The following GRIK3 variants were observed in gnomAD, a reference collection of about 807,000 sequenced individuals.
The protein encoded by GRIK3 is glutamate receptor ionotropic, kainate 3.
In GRIK3, 29 loss-of-function variants were observed where a neutral mutation model predicts 102.5. The observed-to-expected ratio is 0.28, with a 90% CI of 0.21 to 0.39. The LOEUF (loss-of-function observed/expected upper bound fraction) is 0.39. GRIK3 is among the 10% of genes least tolerant of loss of function. The pLI, the probability that GRIK3 is intolerant of heterozygous loss-of-function variation, is 1.00. For missense variants in GRIK3, 908 were observed against 1,252.4 expected (o/e 0.73, Z 4.15); for synonymous variants, 511 against 504.9 (o/e 1.01, Z -0.16).
chr1:36,809,885 G>A (rs1031204525), intron 13 of GRIK3, among the ~76,000 whole-genome samples: 13 of 152,220 alleles, frequency 8.5e-5, no homozygotes, highest in Admixed American at 2.0e-4. Context: ...TGGCTGTGAC[G>A]TTAATTTTAA....
chr1:36,993,413 C>T (rs1310680041), intron 1 of GRIK3, among the ~76,000 whole-genome samples: 2 of 152,144 alleles, frequency 1.3e-5, no homozygotes, highest in African/African-American at 4.8e-5. Flanking sequence ...CAGGCACACG[C>T]CACCCCACCC....
chr1:37,018,506 T>C (rs1230758423), intron 1 of GRIK3, among the ~76,000 whole-genome samples: 1 of 152,238 alleles, frequency 6.6e-6, no homozygotes, highest in Non-Finnish European at 1.5e-5. Context: ...GCACTCTTTC[T>C]GGTCCTTTGT....
intron 1 of GRIK3, among the ~76,000 whole-genome samples, chr1:37,011,926 G>A (rs1415701684): frequency 6.6e-6 from 1 of 152,126 alleles, no homozygotes; most frequent in African/African-American, 2.4e-5. Context: ...AACCTTTTTG[G>A]GGGGACGTGG....
chr1:37,033,209 GAGCCCCGGAAAGCCGCGCGC>G (rs962166400), intron 1 of GRIK3, among the ~76,000 whole-genome samples: 3 of 152,254 alleles, frequency 2.0e-5, no homozygotes, highest in Non-Finnish European at 2.9e-5. Context: ...GGAGAAGCCG[GAGCCCCGGAAAGCCGCGCGC>G]AGCCCCGCCA....
intron 1 of GRIK3, among the ~76,000 whole-genome samples, chr1:36,963,352 G>C (rs963648134): frequency 1.3e-5 from 2 of 152,218 alleles, no homozygotes; most frequent in East Asian, 3.9e-4. Flanking sequence ...CAGGACACTC[G>C]AGACGCCAGG....
intron 2 of GRIK3, among the ~76,000 whole-genome samples, chr1:36,887,464 T>C (rs1641050343): frequency 6.6e-6 from 1 of 152,038 alleles, no homozygotes; most frequent in South Asian, 2.1e-4. Flanking sequence ...AATATATAAA[T>C]CAAGAATATA....
intron 1 of GRIK3, among the ~76,000 whole-genome samples, chr1:36,918,483 C>T (rs1037933793): frequency 3.9e-5 from 6 of 152,188 alleles, no homozygotes; most frequent in Non-Finnish European, 7.3e-5. Context: ...GATCCCTTCT[C>T]GTGCATCAGG....
rs1275517580 is a variant in GRIK3 at position 36,983,396 on chromosome 1, TG to T, written c.115+50597del. ...CACGGCACAACGGCACACTCCCACA[TG>T]CATGCATACCCCTTCTGGCACCGGG... is the stretch of plus-strand genomic sequence containing the variant. On this transcript the variant is annotated intron_variant, in intron 1 of 15. Coordinates refer to ENST00000373091, the MANE Select transcript of GRIK3 (RefSeq NM_000831.4). 2.0e-5 allele frequency among the ~76,000 whole-genome samples: 3 copies of T among 152,066 alleles called. No homozygotes were observed. In the East Asian group the frequency reaches 5.8e-4, roughly 29 times the overall value.
At chr1:36,948,173 T>C (rs533046045) in intron 1 of GRIK3, among the ~76,000 whole-genome samples, 49 of 152,354 alleles carry the variant, frequency 3.2e-4, no homozygotes, top group African/African-American at 1.1e-3. Flanking sequence ...TCAGTACATA[T>C]TTCTTGAGCA....
intron 1 of GRIK3, among the ~76,000 whole-genome samples, chr1:37,003,893 T>C (rs1642505119): frequency 1.3e-5 from 2 of 151,876 alleles, no homozygotes; most frequent in African/African-American, 4.8e-5. Flanking sequence ...GCTCCCACAC[T>C]CTTCTGCTGG....
Position 36,891,010 on chromosome 1 carries a change from T to C in GRIK3, c.202A>G (p.Asn68Asp), listed in dbSNP as rs1234215851. The C allele has an allele frequency of 6.2e-7, 1 of 1,614,020 alleles. No individual in the cohort carries two copies. The highest frequency in any genetic ancestry group is 8.5e-7 in the Non-Finnish European group (1 of 1,179,908). The change falls in exon 2 of 16, where the codon AAC becomes GAC. Residue 68 changes from asparagine (N) to aspartate (D), a missense_variant. Asn to Asp is a conservative substitution (Grantham distance 23, BLOSUM62 1). Transcript: ENST00000373091. ...HAFRFSANIINRNRTLLPNTT... is the reference protein window; with the variant it reads ...HAFRFSANIIDRNRTLLPNTT... ...TTGGGCAGCAGAGTCCTGTTCCTGT[T>C]GATGATGTTGGCAGAAAATCGAAAG...
intron 1 of GRIK3, among the ~76,000 whole-genome samples, chr1:36,976,007 CA>C (rs1230816731): frequency 6.6e-6 from 1 of 152,200 alleles, no homozygotes; most frequent in African/African-American, 2.4e-5. Context: ...TTTGCTTTAA[CA>C]GCAAAGAAGC....
chr1:36,812,297 T>C (rs1454692826), intron 13 of GRIK3, among the ~76,000 whole-genome samples: 1 of 152,024 alleles, frequency 6.6e-6, no homozygotes, highest in Non-Finnish European at 1.5e-5. Flanking sequence ...GAACCTGGCA[T>C]TCTCGGGCTC....
rs755096877 is a variant in GRIK3 at position 36,957,171 on chromosome 1, AG to A, written c.116-66076del. Among the ~76,000 whole-genome samples the A allele has an allele frequency of 1.1e-3, 169 of 152,324 alleles. 2 individuals carry two copies. The highest frequency in any genetic ancestry group is 3.4e-3 in the Middle Eastern group (1 of 294). On this transcript the variant is annotated intron_variant, in intron 1 of 15. Transcript: ENST00000373091. ...ATTGGGGGCCTGTGCTCTTATCAATAGAGAGAGAGGGACATGTGTTTACTGC... is the reference window on the plus strand; with the variant it reads ...ATTGGGGGCCTGTGCTCTTATCAATAAGAGAGAGGGACATGTGTTTACTGC...
chr1:36,902,710 A>G (rs112946783), intron 1 of GRIK3, among the ~76,000 whole-genome samples: 1,712 of 152,346 alleles, frequency 0.011, 30 homozygotes, highest in African/African-American at 0.039. Flanking sequence ...GGACTACATT[A>G]AAATTAAAAT....
chr1:36,909,472 C>T (rs1416237962), intron 1 of GRIK3, among the ~76,000 whole-genome samples: 3 of 151,942 alleles, frequency 2.0e-5, no homozygotes, highest in Non-Finnish European at 2.9e-5. Flanking sequence ...CTAATTTTTT[C>T]GTATTTTTGG....
At chr1:36,865,828 T>G (rs1570768633) in intron 5 of GRIK3, among the ~76,000 whole-genome samples, 1 of 152,332 alleles carries the variant, frequency 6.6e-6, no homozygotes, top group East Asian at 1.9e-4. Flanking sequence ...GAGTGCAAAG[T>G]GCCCTGTTGC....
intron 7 of GRIK3, among the ~76,000 whole-genome samples, chr1:36,853,928 T>A (rs1640617270): frequency 1.3e-5 from 2 of 152,178 alleles, no homozygotes; most frequent in Non-Finnish European, 2.9e-5. Flanking sequence ...TTAGCCAGCT[T>A]TACATTTGCA....
At chr1:36,854,493 A>G (rs1407895602) in intron 7 of GRIK3, among the ~76,000 whole-genome samples, 1 of 152,156 alleles carries the variant, frequency 6.6e-6, no homozygotes, top group Non-Finnish European at 1.5e-5. Context: ...GTTGGGGCAG[A>G]CCTAAAGTGG....
Sources: allele counts gnomAD v4.1 joint callset (sites outside exome capture counted in the v4.1 genomes callset), GRCh38; gene constraint gnomAD v4.1.1; transcripts MANE v1.5; gene names NCBI Gene and HGNC (gene_info 2026-07-23, HGNC 2026-07-21).